Variants in NANOG observed in about 807,000 individuals in gnomAD.
NANOG encodes Nanog homeobox.
NANOG carries 2 observed loss-of-function variants against 17.7 expected under a neutral mutation model. That is an observed-to-expected ratio of 0.11 (90% CI 0.05 to 0.36). The LOEUF is 0.36. NANOG is among the 10% of genes least tolerant of loss of function. NANOG has a pLI of 1.00. For missense variants in NANOG, 174 were observed against 362.1 expected (o/e 0.48, Z 4.22); for synonymous variants, 81 against 124.7 (o/e 0.65, Z 2.33).
rs10845903 is a variant in NANOG at position 7,798,260 on chromosome 12, T to G, written c.*3165T>G. 66,617 of 152,048 alleles carry G rather than the reference T, an allele frequency of 0.44. 15,035 individuals carry two copies. Among genetic ancestry groups the G allele is most frequent in the South Asian group, 0.56 (2,696 of 4,822 alleles). 9.4% of individuals were successfully genotyped at this position (152,048 alleles called of 1,614,324 possible). A position where few individuals can be genotyped will look rare whatever the true frequency, so the allele number is the denominator to read the frequency against. ...GAGGTCTTGGTTTGCGCCTGTAATC[T>G]CAGCTACTTGGAAGGCGGAGGCAGG... On this transcript the variant is annotated 3_prime_UTR_variant, in exon 4 of 4. Coordinates refer to ENST00000229307, the MANE Select transcript of NANOG (RefSeq NM_024865.4).
intron 1 of NANOG, among the ~76,000 whole-genome samples, chr12:7,790,953 C>T (rs1427940700): frequency 6.6e-6 from 1 of 152,082 alleles, no homozygotes; most frequent in Non-Finnish European, 1.5e-5. Flanking sequence ...CTTTGCAGCT[C>T]GGGCTGGTCT....
intron 1 of NANOG, among the ~76,000 whole-genome samples, chr12:7,791,735 T>C (rs568452997): frequency 2.0e-5 from 3 of 152,186 alleles, no homozygotes; most frequent in Non-Finnish European, 2.9e-5. Context: ...CCAGGCCCTA[T>C]GCTAGAGAAT....
At position 7,794,454 on chromosome 12, in the gene NANOG, C is replaced by A. The variant is rs369274137; in HGVS notation, c.415-3C>A. On this transcript the variant is annotated splice_polypyrimidine_tract_variant and splice_region_variant and intron_variant, in intron 2 of 3. Transcript: ENST00000229307. ...TTACAATTTCTATCATTTTTTCCTG[C>A]AGGTGAAGACCTGGTTCCAGAACCA... The A allele has an allele frequency of 1.2e-6, 2 of 1,608,928 alleles. No individual in the cohort carries two copies. The highest frequency in any genetic ancestry group is 1.7e-6 in the Non-Finnish European group (2 of 1,177,160).
chr12:7,793,004 C>T lies in NANOG; in HGVS notation c.206C>T (p.Ser69Phe). Residue 69 changes from serine to phenylalanine, a missense_variant, in exon 2 of 4, where the codon TCC becomes TTC. Ser to Phe is a radical substitution (Grantham distance 155, BLOSUM62 -2). This residue lies in a region of NANOG where 158 missense variants were observed against 244.2 expected (regional missense o/e 0.65). Coordinates refer to ENST00000229307, the MANE Select transcript of NANOG (RefSeq NM_024865.4). ...DLLIQDSPDS[S>F]TSPKGKQPTS... ...CTTATTCAGGACAGCCCTGATTCTT[C>T]CACCAGTCCCAAAGGCAAACAACCC... 1 of 1,609,466 alleles carries T rather than the reference C, an allele frequency of 6.2e-7. No homozygotes were observed. Among genetic ancestry groups the T allele is most frequent in the East Asian group, 2.2e-5 (1 of 44,878 alleles).
intron 1 of NANOG, among the ~76,000 whole-genome samples, chr12:7,791,916 T>TG (rs770801746): frequency 6.2e-4 from 95 of 152,276 alleles, no homozygotes; most frequent in East Asian, 1.9e-4. Context: ...TTTATTTTTT[T>TG]GAGACAGTCT....
rs79135323 is a variant in NANOG, at chr12:7,796,400, TAC to T, written c.*1307_*1308del. The T allele has an allele frequency of 0.66, 100,658 of 151,862 alleles. 35,760 individuals carry two copies. The highest frequency in any genetic ancestry group is 0.8 in the Non-Finnish European group (54,028 of 67,894). 9.4% of individuals were successfully genotyped at this position (151,862 alleles called of 1,614,324 possible). On this transcript the variant is annotated 3_prime_UTR_variant, in exon 4 of 4. Transcript: ENST00000229307. ...GAAAAAAGGGCACTTACGTGCATTG[TAC>T]ATGTGCATCTACAAATGTAATGGGT...
chr12:7,795,861 GCT>G lies in NANOG; in HGVS notation c.*769_*770del, dbSNP rs1261226343. ...CTTAATTGATTTCTTACCGTTTTTG[GCT>G]CTGTTTTGCTATATCCCCTAATTTG... On this transcript the variant is annotated 3_prime_UTR_variant, in exon 4 of 4. Coordinates refer to ENST00000229307, the MANE Select transcript of NANOG (RefSeq NM_024865.4). The G allele has an allele frequency of 6.8e-6, 1 of 146,114 alleles. No individual in the cohort carries two copies. Among genetic ancestry groups the G allele is most frequent in the Non-Finnish European group, 1.5e-5 (1 of 66,712 alleles). The allele number at this position is 146,114 out of a possible 1,614,324, so 9.1% of individuals were successfully genotyped here. A position where few individuals can be genotyped will look rare whatever the true frequency, so the allele number is the denominator to read the frequency against.
At chr12:7,794,342 G>T in intron 2 of NANOG, 115 bp from the exon 3 acceptor site, 1 of 977,746 alleles carries the variant, frequency 1.0e-6, no homozygotes, top group Non-Finnish European at 1.5e-6. Context: ...CAAAGTGTTG[G>T]GATTACAGGC....
At chr12:7,792,864 A>T in intron 1 of NANOG, 86 bp from the exon 2 acceptor site, 1 of 1,372,218 alleles carries the variant, frequency 7.3e-7, no homozygotes. Context: ...GGAATTATCA[A>T]AGTACTTTGA....
At position 7,796,286 on chromosome 12, in the gene NANOG, CA is replaced by C. The variant is rs1455569088; in HGVS notation, c.*1196del. 6.6e-6 allele frequency: 1 copy of C among 150,834 alleles called. No individual in the cohort carries two copies. Among genetic ancestry groups the C allele is most frequent in the Admixed American group, 6.6e-5 (1 of 15,080 alleles). 9.3% of individuals were successfully genotyped at this position (150,834 alleles called of 1,614,324 possible). A position where few individuals can be genotyped will look rare whatever the true frequency, so the allele number is the denominator to read the frequency against. On this transcript the variant is annotated 3_prime_UTR_variant, in exon 4 of 4. Transcript: ENST00000229307. The stretch of plus-strand genomic sequence containing the variant: ...GGCGACAAGAGCAAAACTCCCATCT[CA>C]AAAATAAATAAATAAATAAGTAAAT...
chr12:7,792,008 C>T (rs1307753071), intron 1 of NANOG, among the ~76,000 whole-genome samples: 1 of 152,194 alleles, frequency 6.6e-6, no homozygotes, highest in East Asian at 1.9e-4. Context: ...GATTCTCCTG[C>T]CTCAGTCTCC....
At chr12:7,791,681 G>T (rs766294832) in intron 1 of NANOG, among the ~76,000 whole-genome samples, 8 of 152,138 alleles carry the variant, frequency 5.3e-5, no homozygotes, top group Non-Finnish European at 1.2e-4. Flanking sequence ...TATAAGTGAT[G>T]ACTAAATCTA....
At position 7,795,152 on chromosome 12, in the gene NANOG, TCTCCCCTC is replaced by T. The variant is rs1387483293; in HGVS notation, c.*63_*70del. On this transcript the variant is annotated 3_prime_UTR_variant, in exon 4 of 4. Coordinates refer to ENST00000229307, the MANE Select transcript of NANOG (RefSeq NM_024865.4). The stretch of plus-strand genomic sequence containing the variant: ...GTCTGGACACTGGCTGAATCCTTCC[TCTCCCCTC>T]CTCCCATCCCTCATAGGATTTTTCT... 1 of 1,558,458 alleles carries T rather than the reference TCTCCCCTC, an allele frequency of 6.4e-7. No homozygotes were observed.
chr12:7,794,405 A>G, intron 2 of NANOG, 52 bp from the exon 3 acceptor site: 1 of 1,487,520 alleles, frequency 6.7e-7, no homozygotes, highest in Non-Finnish European at 9.3e-7. Flanking sequence ...CTTTGATTCA[A>G]AGTACCTCTG....
chr12:7,793,898 C>T (rs1383777216), intron 2 of NANOG, among the ~76,000 whole-genome samples: 2 of 152,134 alleles, frequency 1.3e-5, no homozygotes, highest in Admixed American at 6.6e-5. Context: ...CCCGCCACTA[C>T]ACCTGGCTAA....
intron 1 of NANOG, among the ~76,000 whole-genome samples, chr12:7,792,147 G>GGC (rs748885612): frequency 7.6e-4 from 115 of 152,224 alleles, no homozygotes; most frequent in African/African-American, 2.5e-3. Flanking sequence ...TGCCCACCTT[G>GGC]GCCTCCCAAA....
chr12:7,793,350 T>A, intron 2 of NANOG, 138 bp downstream of exon 2: 5 of 749,224 alleles, frequency 6.7e-6, no homozygotes, highest in South Asian at 1.9e-5. Context: ...GAAGATGAAA[T>A]GCTTTTGTAA....
rs1188732894 is a variant in NANOG, at chr12:7,793,028, C to A, written c.230C>A (p.Pro77His). ...DSSTSPKGKQ[P>H]TSAEKSVAKK... ...TCCACCAGTCCCAAAGGCAAACAAC[C>A]CACTTCTGCAGAGAAGAGTGTCGCA... Residue 77 changes from proline (P) to histidine (H), a missense_variant, in exon 2 of 4, where the codon CCC (proline) becomes CAC (histidine). Transcript: ENST00000229307. The A allele has an allele frequency of 3.7e-6, 6 of 1,608,720 alleles. No homozygotes were observed. The highest frequency in any genetic ancestry group is 5.1e-6 in the Non-Finnish European group (6 of 1,176,320).
chr12:7,793,705 C>A (rs1862875840), intron 2 of NANOG, among the ~76,000 whole-genome samples: 1 of 151,976 alleles, frequency 6.6e-6, no homozygotes, highest in Non-Finnish European at 1.5e-5. Flanking sequence ...TCCTTCTTTT[C>A]TTTTGTTTAT....
Sources: allele counts gnomAD v4.1 joint callset (sites outside exome capture counted in the v4.1 genomes callset), GRCh38; gene constraint gnomAD v4.1.1; regional missense constraint gnomAD v4.1.1; transcripts MANE v1.5; gene names NCBI Gene and HGNC (gene_info 2026-07-23, HGNC 2026-07-21).